Variants in YPEL2 observed in about 807,000 individuals in gnomAD.
The protein encoded by YPEL2 is yippee like 2, also known as protein yippee-like 2.
YPEL2 carries 2 observed loss-of-function variants against 19.1 expected under a neutral mutation model. That is an observed-to-expected ratio of 0.10 (90% CI 0.04 to 0.33). YPEL2 has a LOEUF of 0.33. Ranked by LOEUF, YPEL2 falls within the 10% of genes least tolerant of loss-of-function variation. The probability of loss-of-function intolerance (pLI) is 1.00; values close to 1 mark genes in which losing one functional copy is unlikely to be tolerated. For synonymous variants in YPEL2, 52 were observed against 50.0 expected, an observed-to-expected ratio of 1.04 and a Z score of -0.17; for missense variants, 66 against 140.7, an observed-to-expected ratio of 0.47 and a Z score of 2.68.
At chr17:59,387,914 G>T (rs938736223) in intron 2 of YPEL2, among the ~76,000 whole-genome samples, 18 of 152,232 alleles carry the variant, frequency 1.2e-4, no homozygotes, top group Admixed American at 9.2e-4. Flanking sequence ...GAAGGAGCTT[G>T]TGGTGGTTTC....
chr17:59,365,925 G>A (rs969404987), intron 2 of YPEL2, among the ~76,000 whole-genome samples: 1 of 152,122 alleles, frequency 6.6e-6, no homozygotes, highest in African/African-American at 2.4e-5. Flanking sequence ...GTCAAGAGGT[G>A]GAGCAGGTGG....
intron 2 of YPEL2, among the ~76,000 whole-genome samples, chr17:59,376,946 T>A: frequency 1.4e-5 from 1 of 71,410 alleles, no homozygotes; most frequent in African/African-American, 8.2e-5. Flanking sequence ...CAACACACTG[T>A]CTCAAAAAAA....
At chr17:59,370,306 G>A (rs1467020786) in intron 2 of YPEL2, among the ~76,000 whole-genome samples, 2 of 152,200 alleles carry the variant, frequency 1.3e-5, no homozygotes, top group South Asian at 4.1e-4. Context: ...CTCGTGATCC[G>A]CCCGCCTCGG....
At chr17:59,385,448 C>G (rs1209368999) in intron 2 of YPEL2, among the ~76,000 whole-genome samples, 1 of 152,018 alleles carries the variant, frequency 6.6e-6, no homozygotes, top group East Asian at 1.9e-4. Flanking sequence ...CATGGTGGTG[C>G]GCCCCTGTAG....
At chr17:59,378,392 T>G (rs1444992879) in intron 2 of YPEL2, among the ~76,000 whole-genome samples, 2 of 151,490 alleles carry the variant, frequency 1.3e-5, no homozygotes, top group African/African-American at 4.9e-5. Flanking sequence ...TCACCCAGGT[T>G]GGAGTGCAGT....
chr17:59,351,127 C>T (rs2047785503), intron 1 of YPEL2, among the ~76,000 whole-genome samples: 1 of 152,112 alleles, frequency 6.6e-6, no homozygotes, highest in Non-Finnish European at 1.5e-5. Context: ...GTAATGCCAG[C>T]ACTTTGGGAG....
intron 2 of YPEL2, among the ~76,000 whole-genome samples, chr17:59,378,856 G>C (rs1598046862): frequency 6.6e-6 from 1 of 152,270 alleles, no homozygotes; most frequent in African/African-American, 2.4e-5. Flanking sequence ...CAAATCCACG[G>C]GAGGAGGGGC....
chr17:59,381,517 C>G (rs28366501), intron 2 of YPEL2, among the ~76,000 whole-genome samples: 32,898 of 152,058 alleles, frequency 0.22, 4,300 homozygotes, highest in East Asian at 0.44. Context: ...TGCTCTGTTG[C>G]TGCCTCCTGC....
In YPEL2 at chr17:59,364,654, A is replaced by G. The variant is rs190017009; in HGVS notation, c.117+11128A>G. On this transcript the variant is annotated intron_variant, in intron 2 of 4. Coordinates refer to ENST00000312655, the MANE Select transcript of YPEL2 (RefSeq NM_001005404.4). ...TTTTTTTGAGACAGAGTCTCGCTCT[A>G]TCACCCAGGCTGGAGTGCAATGGCA... Among the ~76,000 whole-genome samples, 5 of 125,536 alleles carry G rather than the reference A, an allele frequency of 4.0e-5. No individual in the cohort carries two copies. In the East Asian group the frequency reaches 9.1e-4, roughly 23 times the overall value. 82.4% of individuals were successfully genotyped at this position (125,536 alleles called of 152,430 possible).
chr17:59,360,292 T>G (rs1466086230), intron 2 of YPEL2, among the ~76,000 whole-genome samples: 2 of 152,188 alleles, frequency 1.3e-5, no homozygotes, highest in Non-Finnish European at 2.9e-5. Flanking sequence ...TTGGCCAGGA[T>G]GGTCTTGAAC....
chr17:59,360,772 C>T (rs901947749), intron 2 of YPEL2, among the ~76,000 whole-genome samples: 2 of 152,104 alleles, frequency 1.3e-5, no homozygotes, highest in African/African-American at 4.8e-5. Context: ...GGTACCTTTC[C>T]TCCATAGGGG....
chr17:59,351,330 A>G (rs144653743), intron 1 of YPEL2, among the ~76,000 whole-genome samples: 183 of 152,192 alleles, frequency 1.2e-3, no homozygotes, highest in African/African-American at 4.2e-3. Context: ...AGCCGAGATC[A>G]TGCCACTGTA....
intron 2 of YPEL2, among the ~76,000 whole-genome samples, chr17:59,364,216 C>T (rs1481367728): frequency 1.3e-5 from 2 of 152,142 alleles, no homozygotes; most frequent in African/African-American, 4.8e-5. Context: ...TTCAACTCCT[C>T]ATTTTACAGA....
At chr17:59,380,943 C>T (rs2047946094) in intron 2 of YPEL2, among the ~76,000 whole-genome samples, 1 of 152,226 alleles carries the variant, frequency 6.6e-6, no homozygotes. Flanking sequence ...AGACCAAAGT[C>T]ACCAAAGAAA....
chr17:59,363,422 C>T (rs903600590), intron 2 of YPEL2: 1 of 152,340 alleles, frequency 6.6e-6, no homozygotes, highest in Non-Finnish European at 1.5e-5. Context: ...ATTCTCCTGC[C>T]TCAGCCTCCC....
Position 59,331,814 on chromosome 17 carries a change from C to G in YPEL2, c.-206C>G, listed in dbSNP as rs888182673. On this transcript the variant is annotated 5_prime_UTR_variant, in exon 1 of 5. Transcript: ENST00000312655. Reference sequence around the variant, plus strand: ...GCCCCACGCTGGCCGGACAGGGCCGCCTGTCGCCGGGTAAGTGCACCGGAG... The same window carrying G: ...GCCCCACGCTGGCCGGACAGGGCCGGCTGTCGCCGGGTAAGTGCACCGGAG... 4 of 151,722 alleles carry G rather than the reference C, an allele frequency of 2.6e-5. No individual in the cohort carries two copies. Among genetic ancestry groups the G allele is most frequent in the Non-Finnish European group, 4.4e-5 (3 of 67,896 alleles). The allele number at this position is 151,722 out of a possible 1,614,324, so 9.4% of individuals were successfully genotyped here.
intron 2 of YPEL2, among the ~76,000 whole-genome samples, chr17:59,362,291 A>G (rs1276813107): frequency 1.3e-5 from 2 of 148,338 alleles, no homozygotes; most frequent in East Asian, 2.0e-4. Flanking sequence ...AATTGTGTTT[A>G]TCATGTGTAG....
intron 2 of YPEL2, among the ~76,000 whole-genome samples, chr17:59,364,000 T>C (rs529694927): frequency 1.3e-5 from 2 of 152,216 alleles, no homozygotes; most frequent in Non-Finnish European, 2.9e-5. Context: ...TCCTGGCTTA[T>C]AGGATGCTCT....
chr17:59,379,239 T>C (rs1270651932), intron 2 of YPEL2, among the ~76,000 whole-genome samples: 2 of 152,192 alleles, frequency 1.3e-5, no homozygotes, highest in African/African-American at 4.8e-5. Flanking sequence ...TCCGTATGCA[T>C]CCCCAAGGCT....
Sources: gnomAD v4.1 joint callset for allele counts (sites outside exome capture counted in the v4.1 genomes callset) on GRCh38, gnomAD v4.1.1 for gene constraint, MANE v1.5 for transcripts, NCBI Gene and HGNC (gene_info 2026-07-23, HGNC 2026-07-21) for gene names.